The following ARHGAP31 variants were observed in gnomAD, a reference collection of about 807,000 sequenced individuals.
ARHGAP31 encodes the protein Rho GTPase activating protein 31.
ARHGAP31 carries 34 observed loss-of-function variants against 113.9 expected under a neutral mutation model. That is an observed-to-expected ratio of 0.30 (90% CI 0.23 to 0.40). The LOEUF is 0.40. Ranked by LOEUF, ARHGAP31 falls within the 10% of genes least tolerant of loss-of-function variation. The pLI is 1.00. For missense variants in ARHGAP31, 1,548 were observed against 1,767.1 expected (o/e 0.88, Z 2.22); for synonymous variants, 650 against 684.8 (o/e 0.95, Z 0.79).
At position 119,317,202 on chromosome 3, in the gene ARHGAP31, G is replaced by A. The variant is rs138078119; in HGVS notation, c.100+22198G>A. On this transcript the variant is annotated intron_variant, in intron 1 of 11. Transcript: ENST00000264245. ...TTTTTTCTTTTTTTTTTTTTGAGAC[G>A]GAGTCTCGCTCTGTCGCCCAGGCTG... is the stretch of plus-strand genomic sequence containing the variant. Among the ~76,000 whole-genome samples, 799 of 148,682 alleles carry A rather than the reference G, an allele frequency of 5.4e-3. 7 individuals are homozygous for A. The highest frequency in any genetic ancestry group is 0.018 in the African/African-American group (722 of 40,228).
At chr3:119,402,431 A>C in intron 10 of ARHGAP31, 34 bp downstream of exon 10, 2 of 1,601,378 alleles carry the variant, frequency 1.2e-6, no homozygotes, top group Non-Finnish European at 1.7e-6. Flanking sequence ...TTTCCGTTGC[A>C]AGAGAGAAAA....
intron 1 of ARHGAP31, among the ~76,000 whole-genome samples, chr3:119,324,137 A>T (rs1291412496): frequency 6.6e-6 from 1 of 152,210 alleles, no homozygotes; most frequent in Non-Finnish European, 1.5e-5. Flanking sequence ...ATGTAATCCT[A>T]GGCAAGATTA....
chr3:119,381,725 T>A (rs149496616), intron 4 of ARHGAP31, among the ~76,000 whole-genome samples: 1 of 152,126 alleles, frequency 6.6e-6, no homozygotes, highest in Admixed American at 6.5e-5. Flanking sequence ...TGGTGGCTCA[T>A]GCCTGTAATC....
At chr3:119,363,333 C>G (rs2080226432) in intron 1 of ARHGAP31, among the ~76,000 whole-genome samples, 1 of 152,174 alleles carries the variant, frequency 6.6e-6, no homozygotes, top group African/African-American at 2.4e-5. Context: ...CAGATCAAAT[C>G]ATAGCTCTTC....
intron 1 of ARHGAP31, among the ~76,000 whole-genome samples, chr3:119,306,308 A>G (rs1333517699): frequency 6.6e-6 from 1 of 152,060 alleles, no homozygotes; most frequent in Non-Finnish European, 1.5e-5. Context: ...TAATCATAGC[A>G]CTTTGGGAGG....
intron 1 of ARHGAP31, among the ~76,000 whole-genome samples, chr3:119,361,353 A>G (rs2080204770): frequency 6.7e-6 from 1 of 150,142 alleles, no homozygotes; most frequent in Admixed American, 6.6e-5. Flanking sequence ...CCTGGTCTAG[A>G]CTAGTGGTTC....
At position 119,418,015 on chromosome 3, in the gene ARHGAP31, T is replaced by C. The variant is rs1043782459; in HGVS notation, c.*1751T>C. The C allele has an allele frequency of 2.6e-5, 4 of 152,116 alleles. No homozygotes were observed. The highest frequency in any genetic ancestry group is 5.9e-5 in the Non-Finnish European group (4 of 68,050). 9.4% of individuals were successfully genotyped at this position (152,116 alleles called of 1,614,324 possible). The stretch of plus-strand genomic sequence containing the variant: ...GGGAGCTGATGCCCTGCAACAGATA[T>C]ATATTCCTCTCTCTCTCTGTCTCTC... On this transcript the variant is annotated 3_prime_UTR_variant, in exon 12 of 12. Transcript: ENST00000264245.
intron 2 of ARHGAP31, among the ~76,000 whole-genome samples, chr3:119,365,920 G>A (rs2080249559): frequency 6.6e-6 from 1 of 151,804 alleles, no homozygotes; most frequent in Admixed American, 6.6e-5. Flanking sequence ...AAAAATTACT[G>A]ATGGGTGAAA....
At chr3:119,317,241 C>T (rs1455147450) in intron 1 of ARHGAP31, among the ~76,000 whole-genome samples, 1 of 151,552 alleles carries the variant, frequency 6.6e-6, no homozygotes, top group South Asian at 2.1e-4. Context: ...TGCAGTGGCG[C>T]GATCTCAGCT....
At chr3:119,295,864 G>A (rs56289741) in intron 1 of ARHGAP31, among the ~76,000 whole-genome samples, 17 of 152,328 alleles carry the variant, frequency 1.1e-4, no homozygotes, top group African/African-American at 3.4e-4. Flanking sequence ...TTTGAGCTTA[G>A]AAGTGTTTAA....
At chr3:119,378,620 C>T (rs923626508) in intron 3 of ARHGAP31, among the ~76,000 whole-genome samples, 2 of 152,192 alleles carry the variant, frequency 1.3e-5, no homozygotes, top group African/African-American at 4.8e-5. Flanking sequence ...GCTCCCCACC[C>T]CTCCCTGTGT....
intron 6 of ARHGAP31, among the ~76,000 whole-genome samples, chr3:119,388,055 A>G (rs907421048): frequency 3.3e-5 from 5 of 152,122 alleles, no homozygotes; most frequent in Admixed American, 6.5e-5. Flanking sequence ...TCTGAGGCAG[A>G]AAGCTTGAAG....
chr3:119,328,444 T>C (rs1305138571), intron 1 of ARHGAP31, among the ~76,000 whole-genome samples: 1 of 152,212 alleles, frequency 6.6e-6, no homozygotes, highest in Non-Finnish European at 1.5e-5. Context: ...TTCCAAATAC[T>C]GGAGGGCCCT....
intron 8 of ARHGAP31, among the ~76,000 whole-genome samples, chr3:119,393,997 G>A (rs901361376): frequency 1.3e-5 from 2 of 152,136 alleles, no homozygotes; most frequent in Non-Finnish European, 2.9e-5. Flanking sequence ...TGCCAATCTA[G>A]GACAATTCCT....
intron 3 of ARHGAP31, among the ~76,000 whole-genome samples, chr3:119,378,747 T>C (rs1397762965): frequency 1.3e-5 from 2 of 152,188 alleles, no homozygotes; most frequent in Non-Finnish European, 2.9e-5. Context: ...CTCACCGCCT[T>C]GCAGAGCCAG....
At chr3:119,351,475 G>C (rs529638129) in intron 1 of ARHGAP31, among the ~76,000 whole-genome samples, 2 of 152,144 alleles carry the variant, frequency 1.3e-5, no homozygotes, top group Admixed American at 6.5e-5. Context: ...TTTGAGCTTG[G>C]ACAAGTTGTC....
intron 1 of ARHGAP31, among the ~76,000 whole-genome samples, chr3:119,321,141 T>C (rs58524771): frequency 0.015 from 2,334 of 152,096 alleles, 58 homozygotes; most frequent in African/African-American, 0.052. Context: ...TGACCCATCC[T>C]CTTTAACTTC....
intron 1 of ARHGAP31, among the ~76,000 whole-genome samples, chr3:119,354,460 AGT>A (rs1336734676): frequency 7.2e-5 from 10 of 138,530 alleles, no homozygotes; most frequent in African/African-American, 2.5e-4. Flanking sequence ...TTAACATTTC[AGT>A]GTGTGTGTGT....
intron 1 of ARHGAP31, among the ~76,000 whole-genome samples, chr3:119,357,607 G>A (rs1203878576): frequency 2.0e-5 from 3 of 151,916 alleles, no homozygotes; most frequent in Non-Finnish European, 4.4e-5. Context: ...AAACAAATTC[G>A]AAAGTGAAAT....
Sources: gnomAD v4.1 joint callset for allele counts (sites outside exome capture counted in the v4.1 genomes callset) on GRCh38, gnomAD v4.1.1 for gene constraint, MANE v1.5 for transcripts, NCBI Gene and HGNC (gene_info 2026-07-23, HGNC 2026-07-21) for gene names.